Variants in ZNF385B observed in about 807,000 individuals in gnomAD.
ZNF385B encodes zinc finger protein 385B.
Under a neutral mutation model 39.2 loss-of-function variants are expected in ZNF385B, and 23 were observed. That is an observed-to-expected ratio of 0.59 (90% CI 0.42 to 0.83). ZNF385B has a LOEUF of 0.83. Among genes scored for constraint, ZNF385B ranks in the 40% least tolerant of loss-of-function variants. The pLI, the probability that ZNF385B is intolerant of heterozygous loss-of-function variation, is 0.00. For missense variants in ZNF385B, 552 were observed against 598.9 expected (o/e 0.92, Z 0.82); for synonymous variants, 205 against 222.6 (o/e 0.92, Z 0.70).
chr2:179,637,220 T>C (rs1005757751), intron 3 of ZNF385B: 2 of 152,200 alleles, frequency 1.3e-5, no homozygotes, highest in African/African-American at 4.8e-5. Context: ...TACCTAGTTT[T>C]CAGCCATGAG....
chr2:179,660,683 C>A lies in ZNF385B; in HGVS notation c.298+108820G>T, dbSNP rs569408090. 1.2e-4 allele frequency among the ~76,000 whole-genome samples: 18 copies of A among 152,144 alleles called. No homozygotes were observed. The South Asian group carries it at 3.5e-3, about 30-fold the overall frequency. On this transcript the variant is annotated intron_variant, in intron 3 of 9. Coordinates refer to ENST00000410066, the MANE Select transcript of ZNF385B (RefSeq NM_152520.6). ...TTCATGATGGATTGTTTGTTTGACTCCAATACAAAGATAATTATTTCTGAA... is the reference window on the plus strand; with the variant it reads ...TTCATGATGGATTGTTTGTTTGACTACAATACAAAGATAATTATTTCTGAA...
chr2:179,459,995 T>C (rs188709918), intron 6 of ZNF385B, among the ~76,000 whole-genome samples: 76 of 151,850 alleles, frequency 5.0e-4, no homozygotes, highest in African/African-American at 1.7e-3. Context: ...TCCCAGCTAC[T>C]AGGGGGGCTG....
chr2:179,849,100 A>G (rs996770503), intron 1 of ZNF385B, among the ~76,000 whole-genome samples: 28 of 152,190 alleles, frequency 1.8e-4, no homozygotes, highest in African/African-American at 6.5e-4. Flanking sequence ...CAGGGACTCA[A>G]TCTGGAGGTG....
chr2:179,703,369 A>G (rs1699352023), intron 3 of ZNF385B, among the ~76,000 whole-genome samples: 1 of 151,870 alleles, frequency 6.6e-6, no homozygotes, highest in African/African-American at 2.4e-5. Context: ...TTAACTATCA[A>G]CCCCACTCTT....
intron 3 of ZNF385B, among the ~76,000 whole-genome samples, chr2:179,648,035 T>C (rs1021490793): frequency 6.6e-6 from 1 of 151,998 alleles, no homozygotes; most frequent in Non-Finnish European, 1.5e-5. Flanking sequence ...GTGCCCAGCA[T>C]GGGGAGTCAG....
At chr2:179,515,370 T>G (rs2105792245) in intron 5 of ZNF385B, among the ~76,000 whole-genome samples, 1 of 152,332 alleles carries the variant, frequency 6.6e-6, no homozygotes, top group South Asian at 2.1e-4. Context: ...TTCTGAAATC[T>G]ATTATTTGCA....
intron 3 of ZNF385B, among the ~76,000 whole-genome samples, chr2:179,630,072 C>G (rs1691052941): frequency 6.6e-6 from 1 of 152,258 alleles, no homozygotes; most frequent in Admixed American, 6.5e-5. Context: ...CTAGACTCTG[C>G]CTCTGCGGGC....
intron 3 of ZNF385B, among the ~76,000 whole-genome samples, chr2:179,673,976 T>C (rs988939512): frequency 6.6e-6 from 1 of 152,190 alleles, no homozygotes; most frequent in Non-Finnish European, 1.5e-5. Flanking sequence ...TATCAAAAGA[T>C]TAAATTAGAT....
chr2:179,854,409 A>G (rs1684416637), intron 1 of ZNF385B, among the ~76,000 whole-genome samples: 1 of 152,026 alleles, frequency 6.6e-6, no homozygotes, highest in South Asian at 2.1e-4. Flanking sequence ...TGATTTAATG[A>G]TTGTCTTTGA....
chr2:179,830,090 G>C (rs959716073), intron 1 of ZNF385B, among the ~76,000 whole-genome samples: 1 of 152,268 alleles, frequency 6.6e-6, no homozygotes. Context: ...AAGATATGCA[G>C]ATGATAGGCA....
At chr2:179,644,076 T>C (rs988676051) in intron 3 of ZNF385B, among the ~76,000 whole-genome samples, 15 of 151,976 alleles carry the variant, frequency 9.9e-5, no homozygotes, top group African/African-American at 3.6e-4. Flanking sequence ...AGTTTAACCA[T>C]ATTTGAGAAC....
At chr2:179,657,381 T>C (rs973167327) in intron 3 of ZNF385B, among the ~76,000 whole-genome samples, 2 of 152,240 alleles carry the variant, frequency 1.3e-5, no homozygotes, top group Non-Finnish European at 2.9e-5. Flanking sequence ...AGTAAGTTTA[T>C]GTAACGTTCC....
At chr2:179,565,602 T>C (rs1009151904) in intron 3 of ZNF385B, among the ~76,000 whole-genome samples, 2 of 152,232 alleles carry the variant, frequency 1.3e-5, no homozygotes, top group Non-Finnish European at 2.9e-5. Flanking sequence ...TGCCTTACAC[T>C]TCGTAGTTGC....
chr2:179,521,664 G>C (rs1314853007), intron 4 of ZNF385B, among the ~76,000 whole-genome samples: 1 of 152,028 alleles, frequency 6.6e-6, no homozygotes, highest in Non-Finnish European at 1.5e-5. Context: ...TCTCTAAAAA[G>C]CACCAGATTA....
chr2:179,747,773 T>C (rs1702466455), intron 3 of ZNF385B, among the ~76,000 whole-genome samples: 1 of 152,124 alleles, frequency 6.6e-6, no homozygotes, highest in Non-Finnish European at 1.5e-5. Context: ...ACTCTACGTA[T>C]GCCAGGAATT....
rs146086558 is a variant in ZNF385B at position 179,515,708 on chromosome 2, A to G, written c.552+2820T>C. On this transcript the variant is annotated intron_variant, in intron 5 of 9. Coordinates refer to ENST00000410066, the MANE Select transcript of ZNF385B (RefSeq NM_152520.6). Reference sequence around the variant, plus strand: ...TTTAGTAGTTATATCTCTATCATAAATTAGTCTCCTATTTATAAAATATTT... The same window carrying G: ...TTTAGTAGTTATATCTCTATCATAAGTTAGTCTCCTATTTATAAAATATTT... Among the ~76,000 whole-genome samples, 25 of 152,278 alleles carry G rather than the reference A, an allele frequency of 1.6e-4. No individual in the cohort carries two copies. The East Asian group carries it at 4.6e-3, about 28-fold the overall frequency.
At chr2:179,460,772 C>T (rs911441854) in intron 6 of ZNF385B, among the ~76,000 whole-genome samples, 8 of 152,172 alleles carry the variant, frequency 5.3e-5, no homozygotes, top group Admixed American at 4.6e-4. Context: ...CATACCTCTA[C>T]GATTTCATTG....
chr2:179,748,293 T>C (rs1178997634), intron 3 of ZNF385B, among the ~76,000 whole-genome samples: 2 of 151,946 alleles, frequency 1.3e-5, no homozygotes. Context: ...ATACAAAACA[T>C]AATAATAATA....
intron 3 of ZNF385B, among the ~76,000 whole-genome samples, chr2:179,716,398 T>C (rs1486844505): frequency 3.3e-5 from 5 of 152,226 alleles, no homozygotes; most frequent in Non-Finnish European, 7.3e-5. Context: ...TTTTCCATTT[T>C]CTGTTGTAGT....
Sources: gnomAD v4.1 joint callset for allele counts (sites outside exome capture counted in the v4.1 genomes callset) on GRCh38, gnomAD v4.1.1 for gene constraint, MANE v1.5 for transcripts, NCBI Gene and HGNC (gene_info 2026-07-23, HGNC 2026-07-21) for gene names.